The following WDR47 variants were observed in gnomAD, a reference collection of about 807,000 sequenced individuals.
WDR47 encodes the protein WD repeat-containing protein 47.
WDR47 carries 32 observed loss-of-function variants against 97.2 expected under a neutral mutation model. The ratio of observed to expected loss-of-function variants is 0.33; its 90% CI spans 0.25 to 0.44. WDR47 has a LOEUF of 0.44. WDR47 is among the 20% of genes least tolerant of loss of function. The probability of loss-of-function intolerance (pLI) is 1.00; values close to 1 mark genes in which losing one functional copy is unlikely to be tolerated. For missense variants in WDR47, 782 were observed against 1,102.3 expected (o/e 0.71, Z 4.11); for synonymous variants, 375 against 373.5 (o/e 1.00, Z -0.05).
In WDR47 at chr1:108,995,817, T is replaced by C. The variant is rs1400808093; in HGVS notation, c.1454A>G (p.Glu485Gly). 6.2e-7 allele frequency: 1 copy of C among 1,613,952 alleles called. No homozygotes were observed. The highest frequency in any genetic ancestry group is 8.5e-7 in the Non-Finnish European group (1 of 1,179,984). The change falls in exon 8 of 15, where the codon GAA becomes GGA. Residue 485 changes from glutamate to glycine, a missense_variant. Glu to Gly is a moderately conservative substitution (Grantham distance 98). Around this residue, in one of 3 missense-constraint regions of WDR47, gnomAD observed 428 missense variants for 584.3 expected, o/e 0.73. Coordinates refer to ENST00000369962, the MANE Select transcript of WDR47 (RefSeq NM_001142551.2). The part of the protein sequence containing the change: ...FLNRSIQKLG[E>G]LNIGMDGLGN... ...AAGGCCATCCATTCCAATATTTAAT[T>C]CACCAAGCTTTTGAATGGACCTATA...
intron 5 of WDR47, among the ~76,000 whole-genome samples, chr1:109,009,463 A>G (rs1311360401): frequency 6.6e-6 from 1 of 152,238 alleles, no homozygotes; most frequent in Non-Finnish European, 1.5e-5. Flanking sequence ...AAATAATTAG[A>G]GTTTTAAGTT....
In WDR47 at chr1:108,982,512, A is replaced by G. The variant is rs192856599; in HGVS notation, c.2266+97T>C. On this transcript the variant is annotated intron_variant, in intron 12 of 14. Transcript: ENST00000369962. ...GTGCCACTGCACTCTGGACAGTAAG[A>G]GCAAGACCCTGTCTCTTAGAAAAGA... 1.3e-4 allele frequency: 183 copies of G among 1,433,572 alleles called. No individual in the cohort carries two copies. The African/African-American group carries it at 2.3e-3, about 18-fold the overall frequency. The allele number at this position is 1,433,572 out of a possible 1,614,324, so 88.8% of individuals were successfully genotyped here.
At chr1:108,971,783 A>G (rs1423938113) in intron 14 of WDR47, among the ~76,000 whole-genome samples, 1 of 152,092 alleles carries the variant, frequency 6.6e-6, no homozygotes, top group African/African-American at 2.4e-5. Context: ...ACATTTGACA[A>G]GTTGCCTCTC....
chr1:109,018,827 C>A lies in WDR47; in HGVS notation c.159-1226G>T, dbSNP rs111527986. 3.0e-3 allele frequency among the ~76,000 whole-genome samples: 460 copies of A among 151,180 alleles called. 4 individuals are homozygous for A. Among genetic ancestry groups the A allele is most frequent in the African/African-American group, 0.011 (443 of 41,208 alleles). ...AGACCCTGTCTCAAAAAAACACACA[C>A]AAAAAAGAAAGAACAGGTGATCATT... On this transcript the variant is annotated intron_variant, in intron 2 of 14. Coordinates refer to ENST00000369962, the MANE Select transcript of WDR47 (RefSeq NM_001142551.2).
At chr1:108,983,519 A>G in intron 10 of WDR47, 68 bp from the exon 11 acceptor site, 2 of 1,295,688 alleles carry the variant, frequency 1.5e-6, no homozygotes, top group Non-Finnish European at 2.0e-6. Flanking sequence ...GAGGTTCCAT[A>G]TTATACTTGT....
At chr1:109,030,265 A>G (rs1187109173) in intron 1 of WDR47, 14 of 1,526,162 alleles carry the variant, frequency 9.2e-6, no homozygotes, top group Non-Finnish European at 1.2e-5. Context: ...GCCAGCCTAC[A>G]GGAGGAAAAG....
chr1:108,977,196 G>C (rs1302213070), intron 13 of WDR47, among the ~76,000 whole-genome samples: 1 of 152,092 alleles, frequency 6.6e-6, no homozygotes, highest in Non-Finnish European at 1.5e-5. Flanking sequence ...CTGTCGCCCA[G>C]GCTGGAGTGC....
intron 2 of WDR47, among the ~76,000 whole-genome samples, chr1:109,021,265 T>C (rs191355693): frequency 2.1e-3 from 322 of 152,188 alleles, no homozygotes; most frequent in Non-Finnish European, 2.1e-3. Flanking sequence ...CAGTGGCTCA[T>C]GTCTGTAATC....
At chr1:109,041,042 C>T (rs985315727) in intron 1 of WDR47, among the ~76,000 whole-genome samples, 33 of 151,732 alleles carry the variant, frequency 2.2e-4, no homozygotes, top group African/African-American at 7.7e-4. Flanking sequence ...AGATACCATG[C>T]ACGGTTACTA....
intron 1 of WDR47, among the ~76,000 whole-genome samples, chr1:109,040,342 A>G (rs745799490): frequency 3.3e-4 from 50 of 152,174 alleles, no homozygotes; most frequent in Non-Finnish European, 4.9e-4. Context: ...AATAACTAAT[A>G]TATTCTATTT....
intron 7 of WDR47, among the ~76,000 whole-genome samples, chr1:109,001,146 A>G (rs1660153028): frequency 6.6e-6 from 1 of 151,968 alleles, no homozygotes; most frequent in Non-Finnish European, 1.5e-5. Flanking sequence ...AAAATCAGCC[A>G]GGTGTGGTGG....
chr1:109,010,850 G>T, intron 5 of WDR47, 66 bp downstream of exon 5: 1 of 1,480,058 alleles, frequency 6.8e-7, no homozygotes, highest in Non-Finnish European at 9.2e-7. Flanking sequence ...CCAAAGTGCT[G>T]GGATTACAGG....
intron 3 of WDR47, among the ~76,000 whole-genome samples, chr1:109,016,446 A>G (rs1661423096): frequency 6.6e-6 from 1 of 152,156 alleles, no homozygotes; most frequent in Admixed American, 6.6e-5. Context: ...AAATGAGAGG[A>G]AGATCCAAAA....
Position 109,002,211 on chromosome 1 carries a change from T to C in WDR47, c.1433+13A>G. On this transcript the variant is annotated intron_variant, in intron 7 of 14. Transcript: ENST00000369962. ...AATAACTCCATATTTTAAAAAGTGATTAGAAGACCAACCTATTAAGGAACT... is the reference window on the plus strand; with the variant it reads ...AATAACTCCATATTTTAAAAAGTGACTAGAAGACCAACCTATTAAGGAACT... 6.4e-7 allele frequency: 1 copy of C among 1,552,014 alleles called. No individual in the cohort carries two copies. The highest frequency in any genetic ancestry group is 2.3e-5 in the East Asian group (1 of 43,570).
rs1479814574 is a variant in WDR47 at position 108,986,576 on chromosome 1, A to G, written c.1872T>C (p.Gly624=). ...ATACTCTCAGAGTTTTTGAATTTGAACCAACAGCATATAAACCTCCAGCTG... is the reference window on the plus strand; with the variant it reads ...ATACTCTCAGAGTTTTTGAATTTGAGCCAACAGCATATAAACCTCCAGCTG... The part of the protein sequence containing the change: ...FHPAGGLYAV[G]SNSKTLRVCA... Residue 624 remains glycine (G), a synonymous_variant, in exon 10 of 15, where the codon GGT becomes GGC. Coordinates refer to ENST00000369962, the MANE Select transcript of WDR47 (RefSeq NM_001142551.2). 1.2e-6 allele frequency: 2 copies of G among 1,613,836 alleles called. No individual in the cohort carries two copies. The highest frequency in any genetic ancestry group is 1.7e-6 in the Non-Finnish European group (2 of 1,179,840).
intron 2 of WDR47, among the ~76,000 whole-genome samples, chr1:109,018,310 G>A (rs935485020): frequency 3.3e-5 from 5 of 151,530 alleles, no homozygotes; most frequent in African/African-American, 4.8e-5. Context: ...TTAGCTGGCC[G>A]TGGTGGCGGG....
chr1:109,039,579 A>G (rs1264869353), intron 1 of WDR47, among the ~76,000 whole-genome samples: 1 of 152,190 alleles, frequency 6.6e-6, no homozygotes, highest in African/African-American at 2.4e-5. Context: ...TTTTTTAAGG[A>G]TATCTTTTCA....
chr1:109,013,706 A>T, intron 4 of WDR47, 135 bp downstream of exon 4: 1 of 824,810 alleles, frequency 1.2e-6, no homozygotes, highest in Non-Finnish European at 1.9e-6. Context: ...TACACCTGGA[A>T]AACACCAGAT....
At chr1:108,999,858 T>C (rs1003570276) in intron 7 of WDR47, among the ~76,000 whole-genome samples, 7 of 152,152 alleles carry the variant, frequency 4.6e-5, no homozygotes, top group East Asian at 3.9e-4. Flanking sequence ...CACTGCAAAA[T>C]AAGTTGGTCA....
Sources: allele counts gnomAD v4.1 joint callset (sites outside exome capture counted in the v4.1 genomes callset), GRCh38; gene constraint gnomAD v4.1.1; regional missense constraint gnomAD v4.1.1; transcripts MANE v1.5; gene names NCBI Gene and HGNC (gene_info 2026-07-23, HGNC 2026-07-21).